The following MDGA2 variants were observed in gnomAD, a reference collection of about 807,000 sequenced individuals.
MDGA2 encodes the protein MAM domain-containing glycosylphosphatidylinositol anchor protein 2.
MDGA2 carries 40 observed loss-of-function variants against 117.8 expected under a neutral mutation model. The ratio of observed to expected loss-of-function variants is 0.34; its 90% CI spans 0.26 to 0.44. MDGA2 has a LOEUF of 0.44. Among genes scored for constraint, MDGA2 ranks in the 20% least tolerant of loss-of-function variants. MDGA2 has a pLI of 1.00. For missense variants in MDGA2, 1,123 were observed against 1,250.6 expected (o/e 0.90, Z 1.54); for synonymous variants, 452 against 439.0 (o/e 1.03, Z -0.37).
At chr14:47,618,836 A>G (rs1475741745) in intron 1 of MDGA2, among the ~76,000 whole-genome samples, 1 of 152,162 alleles carries the variant, frequency 6.6e-6, no homozygotes, top group Non-Finnish European at 1.5e-5. Flanking sequence ...TTCCAGTACC[A>G]CAACTTAGTA....
At chr14:47,204,220 GT>G (rs1192635177) in intron 3 of MDGA2, among the ~76,000 whole-genome samples, 1 of 151,958 alleles carries the variant, frequency 6.6e-6, no homozygotes, top group Non-Finnish European at 1.5e-5. Context: ...AACACTACAT[GT>G]TTAACTTACA....
At chr14:47,051,791 C>A (rs545158689) in intron 7 of MDGA2, among the ~76,000 whole-genome samples, 22 of 151,982 alleles carry the variant, frequency 1.4e-4, no homozygotes, top group African/African-American at 5.1e-4. Flanking sequence ...TGGATCCAAT[C>A]ATCATAAATA....
At chr14:47,422,244 CTA>C (rs1230114103) in intron 1 of MDGA2, among the ~76,000 whole-genome samples, 1 of 152,146 alleles carries the variant, frequency 6.6e-6, no homozygotes, top group African/African-American at 2.4e-5. Flanking sequence ...TAAAAAGGAA[CTA>C]TGAGTGCTAA....
intron 1 of MDGA2, among the ~76,000 whole-genome samples, chr14:47,311,935 G>A (rs1290758483): frequency 6.6e-6 from 1 of 152,012 alleles, no homozygotes; most frequent in Non-Finnish European, 1.5e-5. Context: ...GATTTGGGGA[G>A]CAAGAATAGA....
At chr14:47,310,338 C>A (rs1889595240) in intron 1 of MDGA2, among the ~76,000 whole-genome samples, 1 of 152,142 alleles carries the variant, frequency 6.6e-6, no homozygotes, top group African/African-American at 2.4e-5. Flanking sequence ...GCCATCAAGT[C>A]TAGGCAGTCA....
chr14:47,070,789 G>T (rs1890253642), intron 6 of MDGA2, among the ~76,000 whole-genome samples: 1 of 151,968 alleles, frequency 6.6e-6, no homozygotes, highest in South Asian at 2.1e-4. Flanking sequence ...TATTTTTTTG[G>T]TAGAGACTGG....
At chr14:46,980,781 T>C (rs545419528) in intron 8 of MDGA2, among the ~76,000 whole-genome samples, 1 of 152,216 alleles carries the variant, frequency 6.6e-6, no homozygotes, top group Admixed American at 6.5e-5. Context: ...AAACATTTTT[T>C]AACAATAAAG....
intron 2 of MDGA2, among the ~76,000 whole-genome samples, chr14:47,234,916 C>T (rs1007601973): frequency 6.6e-6 from 1 of 152,046 alleles, no homozygotes; most frequent in African/African-American, 2.4e-5. Flanking sequence ...ACAAAGCTGG[C>T]TTGTCTTTTA....
intron 1 of MDGA2, among the ~76,000 whole-genome samples, chr14:47,640,787 A>C (rs1213714027): frequency 6.6e-6 from 1 of 152,118 alleles, no homozygotes; most frequent in Non-Finnish European, 1.5e-5. Flanking sequence ...CAAAGACTTA[A>C]ACATAATTTC....
chr14:47,301,970 C>A lies in MDGA2; in HGVS notation c.281-420G>T, dbSNP rs1037119927. Among the ~76,000 whole-genome samples, 3 of 152,214 alleles carry A rather than the reference C, an allele frequency of 2.0e-5. No homozygotes were observed. The South Asian group carries it at 6.2e-4, about 32-fold the overall frequency. The stretch of plus-strand genomic sequence containing the variant: ...TTGAATGGAAGACATTGACATTTGT[C>A]TGTTAATTATTTAAGTCATGTAGCG... On this transcript the variant is annotated intron_variant, in intron 1 of 16. Coordinates refer to ENST00000399232, the MANE Select transcript of MDGA2 (RefSeq NM_001113498.3).
At chr14:47,565,488 G>A (rs567539644) in intron 1 of MDGA2, among the ~76,000 whole-genome samples, 3 of 152,290 alleles carry the variant, frequency 2.0e-5, no homozygotes, top group Non-Finnish European at 4.4e-5. Context: ...CTGGCTGGAG[G>A]TTGGAAACCT....
chr14:46,878,620 G>A (rs1188188106), intron 11 of MDGA2, among the ~76,000 whole-genome samples: 1 of 151,912 alleles, frequency 6.6e-6, no homozygotes, highest in Non-Finnish European at 1.5e-5. Flanking sequence ...CATTACTGTA[G>A]TTGTTTTTCT....
chr14:47,172,425 C>T lies in MDGA2; in HGVS notation c.596-28151G>A, dbSNP rs181037338. Among the ~76,000 whole-genome samples the T allele has an allele frequency of 1.9e-3, 296 of 151,858 alleles. 1 individual carries two copies. The highest frequency in any genetic ancestry group is 3.4e-3 in the Middle Eastern group (1 of 292). ...AGTAGGGGCAGACTGACACCTCACA[C>T]GGCCGGGTACTCCTCTGAGACAAAA... is the stretch of plus-strand genomic sequence containing the variant. On this transcript the variant is annotated intron_variant, in intron 3 of 16. Transcript: ENST00000399232.
intron 1 of MDGA2, among the ~76,000 whole-genome samples, chr14:47,364,546 G>C (rs1891191679): frequency 6.6e-6 from 1 of 152,210 alleles, no homozygotes; most frequent in African/African-American, 2.4e-5. Flanking sequence ...TTACAGGCGT[G>C]AGCCACCGCG....
At position 47,072,110 on chromosome 14, in the gene MDGA2, G is replaced by A. The variant is rs906027167; in HGVS notation, c.1196-10532C>T. On this transcript the variant is annotated intron_variant, in intron 6 of 16. Coordinates refer to ENST00000399232, the MANE Select transcript of MDGA2 (RefSeq NM_001113498.3). ...GTTGGTTGTTGTTGTTTGGGGGGGG[G>A]GGGGTTTGCAGGTATTATATGTTGC... Among the ~76,000 whole-genome samples, 14 of 130,378 alleles carry A rather than the reference G, an allele frequency of 1.1e-4. 1 individual carries two copies. The highest frequency in any genetic ancestry group is 4.0e-4 in the African/African-American group (13 of 32,610). 85.5% of individuals were successfully genotyped at this position (130,378 alleles called of 152,430 possible). A position where few individuals can be genotyped will look rare whatever the true frequency, so the allele number is the denominator to read the frequency against.
chr14:46,998,614 G>A (rs986630031), intron 8 of MDGA2, among the ~76,000 whole-genome samples: 11 of 152,026 alleles, frequency 7.2e-5, no homozygotes, highest in African/African-American at 9.6e-5. Context: ...TCTGATACTC[G>A]TACAAAATTC....
intron 3 of MDGA2, among the ~76,000 whole-genome samples, chr14:47,168,680 T>C (rs1883991897): frequency 6.6e-6 from 1 of 152,142 alleles, no homozygotes; most frequent in Non-Finnish European, 1.5e-5. Context: ...TTTTAGATTC[T>C]GATAGAGCTA....
intron 1 of MDGA2, among the ~76,000 whole-genome samples, chr14:47,636,784 CAAAAAA>C (rs56313968): frequency 1.1e-4 from 5 of 46,002 alleles, no homozygotes; most frequent in East Asian, 7.8e-4. Context: ...GACTCCGTCT[CAAAAAA>C]AAAAAAAAAA....
chr14:47,543,218 C>T (rs1895388220), intron 1 of MDGA2, among the ~76,000 whole-genome samples: 1 of 151,842 alleles, frequency 6.6e-6, no homozygotes, highest in Non-Finnish European at 1.5e-5. Context: ...CCAGCGACAA[C>T]AGCAGAGAAA....
Sources: allele counts gnomAD v4.1 joint callset (sites outside exome capture counted in the v4.1 genomes callset), GRCh38; gene constraint gnomAD v4.1.1; transcripts MANE v1.5; gene names NCBI Gene and HGNC (gene_info 2026-07-23, HGNC 2026-07-21).